RIT2: variants seen among roughly 807,000 people sequenced by gnomAD.
RIT2 encodes the protein GTP-binding protein Rit2.
In RIT2, 24 loss-of-function variants were observed where a neutral mutation model predicts 23.7. That is an observed-to-expected ratio of 1.01 (90% CI 0.73 to 1.43). RIT2 has a LOEUF of 1.43. RIT2 is among the 40% of genes most tolerant of loss of function. The pLI is 0.00. For synonymous variants in RIT2, 107 were observed against 91.1 expected, an observed-to-expected ratio of 1.17 and a Z score of -0.99; for missense variants, 236 against 266.9, an observed-to-expected ratio of 0.88 and a Z score of 0.81.
At chr18:43,064,023 A>G (rs1485825916) in intron 1 of RIT2, among the ~76,000 whole-genome samples, 1 of 152,136 alleles carries the variant, frequency 6.6e-6, no homozygotes, top group Admixed American at 6.5e-5. Context: ...TTGATTAGAG[A>G]CTAAGAAGTT....
intron 2 of RIT2, among the ~76,000 whole-genome samples, chr18:43,030,781 G>A (rs138351659): frequency 4.6e-5 from 7 of 152,144 alleles, no homozygotes; most frequent in Admixed American, 1.3e-4. Flanking sequence ...TTATTCATGG[G>A]TTTCTGGTAT....
chr18:43,043,776 G>A, intron 1 of RIT2, among the ~76,000 whole-genome samples: 1 of 151,856 alleles, frequency 6.6e-6, no homozygotes, highest in East Asian at 1.9e-4. Context: ...TCCAGCCTGG[G>A]CAACAAGAGC....
intron 4 of RIT2, among the ~76,000 whole-genome samples, chr18:42,775,178 T>G (rs946144087): frequency 1.3e-5 from 2 of 152,162 alleles, no homozygotes; most frequent in Non-Finnish European, 2.9e-5. Flanking sequence ...TTCTGTTCAT[T>G]GTAGCCACTC....
chr18:42,996,449 G>T (rs1207755276), intron 2 of RIT2, among the ~76,000 whole-genome samples: 1 of 152,084 alleles, frequency 6.6e-6, no homozygotes, highest in Non-Finnish European at 1.5e-5. Flanking sequence ...GTGACTTGCA[G>T]GTACACATCC....
chr18:43,105,473 AGAGGAAGG>A (rs1442427261), intron 1 of RIT2, among the ~76,000 whole-genome samples: 1 of 125,098 alleles, frequency 8.0e-6, no homozygotes, highest in Non-Finnish European at 1.7e-5. Context: ...AGGGAGGAAG[AGAGGAAGG>A]GAGGAAGGGA....
chr18:42,897,545 T>G (rs1353093097), intron 4 of RIT2, among the ~76,000 whole-genome samples: 1 of 152,200 alleles, frequency 6.6e-6, no homozygotes, highest in Admixed American at 6.5e-5. Context: ...GGGGCTAAAA[T>G]GTCATACTTT....
intron 4 of RIT2, among the ~76,000 whole-genome samples, chr18:42,821,364 T>G (rs1182856840): frequency 1.3e-5 from 2 of 152,128 alleles, no homozygotes; most frequent in African/African-American, 2.4e-5. Flanking sequence ...ACAAGGTAGA[T>G]TCACATGACT....
At chr18:42,930,544 G>T (rs1017515498) in intron 3 of RIT2, among the ~76,000 whole-genome samples, 4 of 151,926 alleles carry the variant, frequency 2.6e-5, no homozygotes, top group African/African-American at 4.8e-5. Context: ...AGGAAAGAAA[G>T]AATTAAATTA....
intron 1 of RIT2, among the ~76,000 whole-genome samples, chr18:43,042,627 AT>A (rs1444608634): frequency 6.6e-6 from 1 of 152,118 alleles, no homozygotes; most frequent in African/African-American, 2.4e-5. Context: ...GGAACTCCCT[AT>A]GTTCCCTTGC....
chr18:42,897,290 C>T (rs769283978), intron 4 of RIT2, among the ~76,000 whole-genome samples: 16 of 152,092 alleles, frequency 1.1e-4, no homozygotes, highest in Non-Finnish European at 2.2e-4. Context: ...GATCTGATGG[C>T]GCTGGGGAGT....
chr18:42,819,903 C>T (rs1394399514), intron 4 of RIT2, among the ~76,000 whole-genome samples: 1 of 152,048 alleles, frequency 6.6e-6, no homozygotes, highest in Non-Finnish European at 1.5e-5. Flanking sequence ...CCTGTGGATA[C>T]CAAAATCCAC....
At chr18:42,846,664 TGAACAGAA>T (rs1906917580) in intron 4 of RIT2, among the ~76,000 whole-genome samples, 1 of 152,062 alleles carries the variant, frequency 6.6e-6, no homozygotes, top group Non-Finnish European at 1.5e-5. Flanking sequence ...ATTATTTTTG[TGAACAGAA>T]GAAGGAAGAA....
chr18:43,011,171 G>A (rs1054335137), intron 2 of RIT2, among the ~76,000 whole-genome samples: 1 of 151,796 alleles, frequency 6.6e-6, no homozygotes, highest in Non-Finnish European at 1.5e-5. Context: ...AGCAACTAGT[G>A]GACAAAAGCA....
chr18:42,995,498 C>G (rs1282460615), intron 2 of RIT2, among the ~76,000 whole-genome samples: 1 of 152,200 alleles, frequency 6.6e-6, no homozygotes, highest in African/African-American at 2.4e-5. Context: ...CTTCCCACCT[C>G]TATATAGTCC....
At chr18:42,798,483 T>C (rs1905435958) in intron 4 of RIT2, among the ~76,000 whole-genome samples, 1 of 152,230 alleles carries the variant, frequency 6.6e-6, no homozygotes, top group Non-Finnish European at 1.5e-5. Context: ...TATAATAATA[T>C]TGGCTTTTCC....
chr18:43,031,725 T>G (rs1328927097), intron 2 of RIT2, among the ~76,000 whole-genome samples: 1 of 152,034 alleles, frequency 6.6e-6, no homozygotes, highest in Non-Finnish European at 1.5e-5. Flanking sequence ...GCCATATATA[T>G]CTCTCAATTA....
intron 1 of RIT2, among the ~76,000 whole-genome samples, chr18:43,062,133 A>C (rs144667335): frequency 0.01 from 1,528 of 152,232 alleles, 25 homozygotes; most frequent in African/African-American, 0.034. Flanking sequence ...TAAGGGAGCA[A>C]AAAAGCCGCA....
chr18:42,758,037 G>A (rs1045255247), intron 4 of RIT2, among the ~76,000 whole-genome samples: 29 of 149,496 alleles, frequency 1.9e-4, no homozygotes, highest in Non-Finnish European at 1.9e-4. Context: ...TGCAGTATTA[G>A]TTGTCCCACC....
At chr18:42,805,176 A>G (rs1235447870) in intron 4 of RIT2, among the ~76,000 whole-genome samples, 8 of 152,170 alleles carry the variant, frequency 5.3e-5, no homozygotes, top group Non-Finnish European at 7.3e-5. Flanking sequence ...TGTTAAAATA[A>G]CAATTATGAA....
Sources: allele counts gnomAD v4.1 joint callset (sites outside exome capture counted in the v4.1 genomes callset), GRCh38; gene constraint gnomAD v4.1.1; transcripts MANE v1.5; gene names NCBI Gene and HGNC (gene_info 2026-07-23, HGNC 2026-07-21).